OSBPL3: variants seen among roughly 807,000 people sequenced by gnomAD.
OSBPL3 encodes the protein oxysterol binding protein like 3.
OSBPL3 carries 65 observed loss-of-function variants against 120.1 expected under a neutral mutation model. The observed-to-expected ratio is 0.54, with a 90% CI of 0.44 to 0.67. The LOEUF (loss-of-function observed/expected upper bound fraction) is 0.67, where lower values mean the gene tolerates loss of function less well. OSBPL3 is among the 30% of genes least tolerant of loss of function. OSBPL3 has a pLI of 0.00. For missense variants in OSBPL3, 1,004 were observed against 1,082.1 expected, an observed-to-expected ratio of 0.93 and a Z score of 1.01; for synonymous variants, 416 against 402.6, an observed-to-expected ratio of 1.03 and a Z score of -0.40.
intron 1 of OSBPL3, among the ~76,000 whole-genome samples, chr7:24,926,960 T>G (rs1185113671): frequency 6.6e-6 from 1 of 152,230 alleles, no homozygotes; most frequent in East Asian, 1.9e-4. Context: ...TGGCATTATT[T>G]TGAGTTGAAT....
At chr7:24,858,867 CCT>C (rs1800155857) in intron 10 of OSBPL3, among the ~76,000 whole-genome samples, 1 of 152,184 alleles carries the variant, frequency 6.6e-6, no homozygotes, top group Non-Finnish European at 1.5e-5. Flanking sequence ...CAGGACATTT[CCT>C]CTGTGTAGGG....
Position 24,967,287 on chromosome 7 carries a change from C to T in OSBPL3, c.-150+12599G>A, listed in dbSNP as rs1816499656. On this transcript the variant is annotated intron_variant, in intron 1 of 22. Transcript: ENST00000313367. This position sits in a 1 kb window ranked among gnomAD's most constrained non-coding sequence, Gnocchi z 5.6. Reference sequence around the variant, plus strand: ...ATGGCCAGAGGATGAAGTAGCCATGCACCACCCTTGGGTTCCCATGAATTC... The same window carrying T: ...ATGGCCAGAGGATGAAGTAGCCATGTACCACCCTTGGGTTCCCATGAATTC... Among the ~76,000 whole-genome samples, 1 of 152,224 alleles carries T rather than the reference C, an allele frequency of 6.6e-6. No homozygotes were observed. The highest frequency in any genetic ancestry group is 2.1e-4 in the South Asian group (1 of 4,830).
intron 12 of OSBPL3, 146 bp downstream of exon 12, chr7:24,848,923 C>T: frequency 1.7e-6 from 1 of 603,296 alleles, no homozygotes; most frequent in Non-Finnish European, 3.0e-6. Context: ...AGTCCATGAC[C>T]TAGCTGTGGC....
chr7:24,971,044 T>C (rs1816959373), intron 1 of OSBPL3, among the ~76,000 whole-genome samples: 1 of 152,244 alleles, frequency 6.6e-6, no homozygotes, highest in Non-Finnish European at 1.5e-5. Flanking sequence ...TAGTTATGTA[T>C]AGATTTCATC....
intron 1 of OSBPL3, among the ~76,000 whole-genome samples, chr7:24,923,712 C>T (rs1167299575): frequency 6.6e-6 from 1 of 152,138 alleles, no homozygotes; most frequent in Non-Finnish European, 1.5e-5. Flanking sequence ...CCAAAGGAGA[C>T]CAGGAAGATG....
At position 24,821,357 on chromosome 7, in the gene OSBPL3, A is replaced by C. The variant is rs1795120510; in HGVS notation, c.1885-1119T>G. Among the ~76,000 whole-genome samples, 1 of 152,224 alleles carries C rather than the reference A, an allele frequency of 6.6e-6. No homozygotes were observed. The highest frequency in any genetic ancestry group is 2.4e-5 in the African/African-American group (1 of 41,448). ...GCAAAAAGAAGAAAAAAAATGTTTT[A>C]AGCAGCTGTACAGTTTTCAGACCCG... is the stretch of plus-strand genomic sequence containing the variant. On this transcript the variant is annotated intron_variant, in intron 16 of 22. Coordinates refer to ENST00000313367, the MANE Select transcript of OSBPL3 (RefSeq NM_015550.4). This position sits in a 1 kb window ranked among gnomAD's most constrained non-coding sequence, Gnocchi z 5.5.
At position 24,872,892 on chromosome 7, in the gene OSBPL3, A is replaced by G. The variant is rs931786747; in HGVS notation, c.97-823T>C. Among the ~76,000 whole-genome samples, 1 of 152,202 alleles carries G rather than the reference A, an allele frequency of 6.6e-6. No homozygotes were observed. The highest frequency in any genetic ancestry group is 1.5e-5 in the Non-Finnish European group (1 of 68,010). ...TAAATACATCATTGCTAATCACCCC[A>G]AGATAAACCAAAAGTAGCAATACTT... On this transcript the variant is annotated intron_variant, in intron 2 of 22. Coordinates refer to ENST00000313367, the MANE Select transcript of OSBPL3 (RefSeq NM_015550.4). The surrounding 1 kb of genome is among the most constrained non-coding windows in gnomAD (Gnocchi z 4.1).
intron 2 of OSBPL3, among the ~76,000 whole-genome samples, chr7:24,882,926 T>TTG (rs1388365317): frequency 2.6e-5 from 4 of 152,208 alleles, no homozygotes; most frequent in African/African-American, 9.7e-5. Context: ...TTATTTGTTT[T>TTG]TTGTTGTTGT....
At chr7:24,809,770 C>T (rs375213228) in intron 20 of OSBPL3, 37 bp downstream of exon 20, 40 of 1,608,878 alleles carry the variant, frequency 2.5e-5, no homozygotes, top group Non-Finnish European at 3.4e-5. Flanking sequence ...CCCATCCACC[C>T]ACTCACAGCC....
At position 24,832,039 on chromosome 7, in the gene OSBPL3, C is replaced by CA. The variant is rs970850267; in HGVS notation, c.1747-1135dup. On this transcript the variant is annotated intron_variant, in intron 15 of 22. Transcript: ENST00000313367. ...ACAACATGGCGAAACCTCTTCTCTA[C>CA]AAAAAAAATACAAAAGACATAGCTG... 2.5e-4 allele frequency among the ~76,000 whole-genome samples: 38 copies of CA among 151,386 alleles called. No individual in the cohort carries two copies. The South Asian group carries it at 7.1e-3, about 28-fold the overall frequency.
At chr7:24,875,980 T>C (rs1459357170) in intron 2 of OSBPL3, among the ~76,000 whole-genome samples, 2 of 152,210 alleles carry the variant, frequency 1.3e-5, no homozygotes, top group Non-Finnish European at 2.9e-5. Flanking sequence ...ACTTTGAAAA[T>C]TGTAAAGGCT....
At position 24,916,924 on chromosome 7, in the gene OSBPL3, C is replaced by CCCG. The variant is rs1554404744; in HGVS notation, c.-149-24304_-149-24303insCGG. Among the ~76,000 whole-genome samples the CCCG allele has an allele frequency of 3.3e-5, 5 of 151,612 alleles. No homozygotes were observed. Among genetic ancestry groups the CCCG allele is most frequent in the East Asian group, 1.9e-4 (1 of 5,186 alleles). ...TAAGACGTCTTCCATTTCCACCCCC[C>CCCG]CCAACCTTTTTAGAAAATTAAATAA... is the stretch of plus-strand genomic sequence containing the variant. On this transcript the variant is annotated intron_variant, in intron 1 of 22. Coordinates refer to ENST00000313367, the MANE Select transcript of OSBPL3 (RefSeq NM_015550.4). The surrounding 1 kb of genome is among the most constrained non-coding windows in gnomAD (Gnocchi z 4.9).
At position 24,819,408 on chromosome 7, in the gene OSBPL3, G is replaced by T. The variant is rs1189262537; in HGVS notation, c.1948+767C>A. Among the ~76,000 whole-genome samples the T allele has an allele frequency of 2.0e-4, 30 of 152,110 alleles. No individual in the cohort carries two copies. Among genetic ancestry groups the T allele is most frequent in the Admixed American group, 2.0e-3 (30 of 15,264 alleles). On this transcript the variant is annotated intron_variant, in intron 17 of 22. Transcript: ENST00000313367. This position sits in a 1 kb window ranked among gnomAD's most constrained non-coding sequence, Gnocchi z 4.1. The stretch of plus-strand genomic sequence containing the variant: ...TTTAATTTTAAACTTTAATAGCAAA[G>T]GTGAAGAAAGAAAACCATGGTACTT...
intron 1 of OSBPL3, among the ~76,000 whole-genome samples, chr7:24,925,232 T>C (rs550313813): frequency 4.6e-5 from 7 of 152,302 alleles, no homozygotes; most frequent in Admixed American, 4.6e-4. Context: ...CCTCAGCCCC[T>C]TCAACATCAA....
rs1806114955 is a variant in OSBPL3 at position 24,896,223 on chromosome 7, T to G, written c.-149-3602A>C. Among the ~76,000 whole-genome samples the G allele has an allele frequency of 6.6e-6, 1 of 152,222 alleles. No homozygotes were observed. The highest frequency in any genetic ancestry group is 2.1e-4 in the South Asian group (1 of 4,830). The stretch of plus-strand genomic sequence containing the variant: ...GTGGTGAGGTTGAGGAGGAGAGAAC[T>G]TATGGCCCTTTCCTTCCTCTAAATC... On this transcript the variant is annotated intron_variant, in intron 1 of 22. Transcript: ENST00000313367. This position sits in a 1 kb window ranked among gnomAD's most constrained non-coding sequence, Gnocchi z 4.4.
At chr7:24,906,240 G>T in intron 1 of OSBPL3, 2 of 265,938 alleles carry the variant, frequency 7.5e-6, no homozygotes, top group East Asian at 1.1e-4. Flanking sequence ...CCTCATTCCA[G>T]GAGCAGGTCC....
chr7:24,950,448 C>T (rs770002132), intron 1 of OSBPL3, among the ~76,000 whole-genome samples: 1 of 152,228 alleles, frequency 6.6e-6, no homozygotes, highest in Non-Finnish European at 1.5e-5. Flanking sequence ...GTAGGCCGGG[C>T]GCGGTGGCTC....
rs944753227 is a variant in OSBPL3, at chr7:24,980,164, T to C, written c.-428A>G. 4 of 484,344 alleles carry C rather than the reference T, an allele frequency of 8.3e-6. No individual in the cohort carries two copies. The highest frequency in any genetic ancestry group is 1.1e-5 in the Non-Finnish European group (4 of 372,664). The allele number at this position is 484,344 out of a possible 1,614,324, so 30.0% of individuals were successfully genotyped here. A position where few individuals can be genotyped will look rare whatever the true frequency, so the allele number is the denominator to read the frequency against. On this transcript the variant is annotated 5_prime_UTR_variant, in exon 1 of 23. Transcript: ENST00000313367. Reference sequence around the variant, plus strand: ...AGCACGCGGCCAGTTCTGAGTACTTTGCCCAGAACTTCTCGGCGCGCGCCG... The same window carrying C: ...AGCACGCGGCCAGTTCTGAGTACTTCGCCCAGAACTTCTCGGCGCGCGCCG...
At chr7:24,941,481 C>G (rs1813102546) in intron 1 of OSBPL3, among the ~76,000 whole-genome samples, 1 of 152,300 alleles carries the variant, frequency 6.6e-6, no homozygotes, top group Non-Finnish European at 1.5e-5. Flanking sequence ...GTGTAGTGAG[C>G]TCTCCCCACT....
Sources: allele counts gnomAD v4.1 joint callset (sites outside exome capture counted in the v4.1 genomes callset), GRCh38; gene constraint gnomAD v4.1.1; non-coding constraint Gnocchi (gnomAD v3.1); transcripts MANE v1.5; gene names NCBI Gene and HGNC (gene_info 2026-07-23, HGNC 2026-07-21).